Variants in MGST1 observed in about 807,000 individuals in gnomAD.
MGST1 encodes the protein microsomal glutathione S-transferase 1.
A neutral mutation model predicts 8.9 loss-of-function variants in MGST1; 5 were observed. The observed-to-expected ratio is 0.56, with a 90% CI of 0.29 to 1.19. The LOEUF (loss-of-function observed/expected upper bound fraction) is 1.19. Among genes scored for constraint, MGST1 ranks in the 50% most tolerant of loss-of-function variants. The pLI is 0.08. For synonymous variants in MGST1, 54 were observed against 67.8 expected (o/e 0.80, Z 1.00); for missense variants, 182 against 187.4 (o/e 0.97, Z 0.17).
intron 4 of MGST1, among the ~76,000 whole-genome samples, chr12:16,444,774 C>A (rs779971380): frequency 5.9e-5 from 9 of 151,840 alleles, no homozygotes; most frequent in Non-Finnish European, 7.4e-5. Flanking sequence ...GCACATAATC[C>A]CAATTTATCA....
At chr12:16,391,137 T>C (rs907010073) in intron 1 of MGST1, among the ~76,000 whole-genome samples, 100 of 93,992 alleles carry the variant, frequency 1.1e-3, no homozygotes, top group Middle Eastern at 5.1e-3. Flanking sequence ...CTTTGCCCAC[T>C]TCTTTTTTTT....
At chr12:16,506,676 A>G (rs1023954669) in intron 4 of MGST1, among the ~76,000 whole-genome samples, 7 of 152,108 alleles carry the variant, frequency 4.6e-5, no homozygotes, top group Non-Finnish European at 7.3e-5. Flanking sequence ...GCATATACCT[A>G]TGTGCTTTTG....
downstream of MGST1, among the ~76,000 whole-genome samples, chr12:16,381,748 A>C (rs1429599669): frequency 6.6e-6 from 1 of 152,042 alleles, no homozygotes; most frequent in Non-Finnish European, 1.5e-5. Context: ...CCTTGGTTCC[A>C]TTCTCCCCAT....
At chr12:16,427,717 A>G (rs1477998736) in intron 1 of MGST1, among the ~76,000 whole-genome samples, 2 of 152,150 alleles carry the variant, frequency 1.3e-5, no homozygotes, top group African/African-American at 4.8e-5. Flanking sequence ...ATAATACCTA[A>G]AGGAATATGA....
chr12:16,354,369 G>A lies in MGST1; in HGVS notation c.117G>A (p.Leu39=). The part of the protein sequence containing the change: ...LMSTATAFYR[L]TRKVFANPED... ...GTACTGCAACTGCATTCTATAGATT[G>A]ACAAGAAAGGTAAGAAATTTGGAGG... Residue 39 remains leucine, a synonymous_variant, in exon 2 of 4, where the codon TTG becomes TTA. Coordinates refer to ENST00000396210, the MANE Select transcript of MGST1 (RefSeq NM_020300.5). The A allele has an allele frequency of 6.3e-7, 1 of 1,589,702 alleles. No individual in the cohort carries two copies. The highest frequency in any genetic ancestry group is 1.4e-5 in the African/African-American group (1 of 73,588).
intron 4 of MGST1, among the ~76,000 whole-genome samples, chr12:16,447,553 T>C (rs1941089969): frequency 6.6e-6 from 1 of 151,954 alleles, no homozygotes; most frequent in Non-Finnish European, 1.5e-5. Context: ...AACCCAAATC[T>C]TTGGGTGAAT....
At chr12:16,532,353 G>T (rs1157589151) in intron 4 of MGST1, among the ~76,000 whole-genome samples, 4 of 152,038 alleles carry the variant, frequency 2.6e-5, no homozygotes, top group Non-Finnish European at 5.9e-5. Flanking sequence ...CTGAGTCTCT[G>T]TCAAAGAAAT....
At position 16,401,445 on chromosome 12, in the gene MGST1, A is replaced by G. The variant is rs1466693198; in HGVS notation, n.778+17841A>G. The G allele has an allele frequency of 3.6e-6, 3 of 843,586 alleles. No individual in the cohort carries two copies. Among genetic ancestry groups the G allele is most frequent in the African/African-American group, 3.3e-5 (2 of 59,772 alleles). 52.3% of individuals were successfully genotyped at this position (843,586 alleles called of 1,614,324 possible). ...TTTTAGCCACGTCCATGACAGCATT[A>G]TATACATCACATATCTTCACACCAT... On this transcript the variant is annotated intron_variant and non_coding_transcript_variant, in intron 1 of 1. Transcript: ENST00000359720. This position sits in a 1 kb window ranked among gnomAD's most constrained non-coding sequence, Gnocchi z 4.3.
rs889556654 is a variant in MGST1, at chr12:16,555,225, A to C, written n.483-34303A>C. On this transcript the variant is annotated intron_variant and non_coding_transcript_variant, in intron 4 of 4. Transcript: ENST00000538857. The surrounding 1 kb of genome is among the most constrained non-coding windows in gnomAD (Gnocchi z 5.5). The stretch of plus-strand genomic sequence containing the variant: ...TTTACTTAAGTTGTTCCCTAGCAAG[A>C]AATATTTCTCCCCTTTTTCTGTCTA... Among the ~76,000 whole-genome samples the C allele has an allele frequency of 1.4e-4, 22 of 152,228 alleles. No homozygotes were observed. Among genetic ancestry groups the C allele is most frequent in the African/African-American group, 5.1e-4 (21 of 41,460 alleles).
Position 16,364,120 on chromosome 12 carries a change from T to C in MGST1, c.*79T>C. 6.7e-7 allele frequency: 1 copy of C among 1,490,790 alleles called. No individual in the cohort carries two copies. The highest frequency in any genetic ancestry group is 8.9e-7 in the Non-Finnish European group (1 of 1,118,934). 92.3% of individuals were successfully genotyped at this position (1,490,790 alleles called of 1,614,324 possible). A position where few individuals can be genotyped will look rare whatever the true frequency, so the allele number is the denominator to read the frequency against. ...AATTTATAATGAATACTTTCTTAGA[T>C]TTTAGGTAGGAGGGGAGCAGAGGAA... On this transcript the variant is annotated 3_prime_UTR_variant, in exon 4 of 4. Transcript: ENST00000396210. The surrounding 1 kb of genome is among the most constrained non-coding windows in gnomAD (Gnocchi z 5.7).
At chr12:16,526,975 C>G (rs1337226565) in intron 4 of MGST1, among the ~76,000 whole-genome samples, 1 of 151,946 alleles carries the variant, frequency 6.6e-6, no homozygotes, top group African/African-American at 2.4e-5. Context: ...CTACAATAAG[C>G]TATTTCTGCT....
intron 4 of MGST1, among the ~76,000 whole-genome samples, chr12:16,446,728 C>G (rs1941083482): frequency 6.6e-6 from 1 of 151,854 alleles, no homozygotes; most frequent in Non-Finnish European, 1.5e-5. Flanking sequence ...GTGACATCCC[C>G]TCCTGTCAAG....
chr12:16,521,858 C>T (rs1941649986), intron 4 of MGST1, among the ~76,000 whole-genome samples: 1 of 152,100 alleles, frequency 6.6e-6, no homozygotes, highest in Non-Finnish European at 1.5e-5. Context: ...TTTAAAATTC[C>T]CTAACAAGGT....
At chr12:16,386,673 G>A (rs1281877835) in intron 1 of MGST1, among the ~76,000 whole-genome samples, 3 of 152,106 alleles carry the variant, frequency 2.0e-5, no homozygotes, top group Non-Finnish European at 4.4e-5. Flanking sequence ...GTGAGTTTGC[G>A]AACACCCAAA....
chr12:16,580,157 G>GA (rs1488281799), intron 4 of MGST1, among the ~76,000 whole-genome samples: 4 of 152,080 alleles, frequency 2.6e-5, no homozygotes, highest in Non-Finnish European at 5.9e-5. Context: ...ATAGAGATGG[G>GA]ATCTCTCTAT....
At chr12:16,416,926 A>G (rs1038392141) in intron 1 of MGST1, among the ~76,000 whole-genome samples, 1 of 152,186 alleles carries the variant, frequency 6.6e-6, no homozygotes, top group Non-Finnish European at 1.5e-5. Context: ...AAAAGTGTGG[A>G]CCAAAAGCAT....
rs998474372 is a variant in MGST1, at chr12:16,544,263, C to A, written n.483-45265C>A. Among the ~76,000 whole-genome samples the A allele has an allele frequency of 4.7e-5, 7 of 147,484 alleles. No individual in the cohort carries two copies. The highest frequency in any genetic ancestry group is 7.5e-5 in the African/African-American group (3 of 40,016). On this transcript the variant is annotated intron_variant and non_coding_transcript_variant, in intron 4 of 4. Coordinates refer to the MGST1 transcript ENST00000538857. The surrounding 1 kb of genome is among the most constrained non-coding windows in gnomAD (Gnocchi z 4.8). ...ACACACACACACACACACACACACACAAAACATAACCTACTAGTCAATCTG... is the reference window on the plus strand; with the variant it reads ...ACACACACACACACACACACACACAAAAAACATAACCTACTAGTCAATCTG...
At position 16,544,247 on chromosome 12, in the gene MGST1, C is replaced by CAT; in HGVS notation, n.483-45280_483-45279insTA. On this transcript the variant is annotated intron_variant and non_coding_transcript_variant, in intron 4 of 4. Transcript: ENST00000538857. The surrounding 1 kb of genome is among the most constrained non-coding windows in gnomAD (Gnocchi z 4.8). ...ACACACACACACACACACACACACA[C>CAT]ACACACACACACACACAAAACATAA... 6.6e-6 allele frequency among the ~76,000 whole-genome samples: 1 copy of CAT among 151,546 alleles called. No individual in the cohort carries two copies. Among genetic ancestry groups the CAT allele is most frequent in the Middle Eastern group, 3.4e-3 (1 of 294 alleles).
At chr12:16,443,750 A>G (rs982912676), downstream of MGST1, among the ~76,000 whole-genome samples, 2 of 151,868 alleles carry the variant, frequency 1.3e-5, no homozygotes, top group African/African-American at 4.8e-5. Flanking sequence ...ATGTATCCAT[A>G]TATTTGTCCA....
Sources: gnomAD v4.1 joint callset for allele counts (sites outside exome capture counted in the v4.1 genomes callset) on GRCh38, gnomAD v4.1.1 for gene constraint, Gnocchi (gnomAD v3.1) non-coding constraint, MANE v1.5 for transcripts, NCBI Gene and HGNC (gene_info 2026-07-23, HGNC 2026-07-21) for gene names.